Variants in KREMEN1 observed in about 807,000 individuals in gnomAD.
KREMEN1 encodes kremen protein 1.
Under a neutral mutation model 46.5 loss-of-function variants are expected in KREMEN1, and 30 were observed. The ratio of observed to expected loss-of-function variants is 0.65; its 90% CI spans 0.48 to 0.88. The LOEUF (loss-of-function observed/expected upper bound fraction) is 0.88. Among genes scored for constraint, KREMEN1 ranks in the 40% least tolerant of loss-of-function variants. The pLI is 0.00. For missense variants in KREMEN1, 533 were observed against 596.9 expected, an observed-to-expected ratio of 0.89 and a Z score of 1.11; for synonymous variants, 214 against 230.6, an observed-to-expected ratio of 0.93 and a Z score of 0.65.
chr22:29,097,882 A>T (rs1353063643), intron 2 of KREMEN1, among the ~76,000 whole-genome samples: 4 of 150,048 alleles, frequency 2.7e-5, no homozygotes, highest in Admixed American at 1.3e-4. Context: ...CTGCCTCTTT[A>T]AAAAAAAAAT....
intron 3 of KREMEN1, among the ~76,000 whole-genome samples, chr22:29,118,148 G>A (rs1388166046): frequency 2.0e-5 from 3 of 152,242 alleles, no homozygotes; most frequent in Non-Finnish European, 1.5e-5. Flanking sequence ...CTTGTGGGAT[G>A]TTGGCTGAAG....
At position 29,144,911 on chromosome 22, in the gene KREMEN1, G is replaced by T. The variant is rs1347895522; in HGVS notation, c.*2799G>T. ...CCTGGGAGGTGCTGGGGATGCCCCA[G>T]CGCTTCTCTTCCTGCCTCGCCCTGG... On this transcript the variant is annotated 3_prime_UTR_variant, in exon 9 of 9. Transcript: ENST00000400335. 1 of 985,424 alleles carries T rather than the reference G, an allele frequency of 1.0e-6. No individual in the cohort carries two copies. Among genetic ancestry groups the T allele is most frequent in the Admixed American group, 6.1e-5 (1 of 16,274 alleles). The allele number at this position is 985,424 out of a possible 1,614,324, so 61.0% of individuals were successfully genotyped here.
At chr22:29,101,252 CAAAAAAAAAAAAAAA>C (rs368843166) in intron 3 of KREMEN1, among the ~76,000 whole-genome samples, 3 of 74,806 alleles carry the variant, frequency 4.0e-5, no homozygotes, top group African/African-American at 5.4e-5. Flanking sequence ...AGTCTGTCTC[CAAAAAAAAAAAAAAA>C]AAAAAAAAGG....
intron 1 of KREMEN1, among the ~76,000 whole-genome samples, chr22:29,076,803 G>A (rs1361749981): frequency 1.3e-5 from 2 of 152,174 alleles, no homozygotes; most frequent in Non-Finnish European, 2.9e-5. Flanking sequence ...GGTGAGTTGA[G>A]ATCACACCAT....
rs134658 is a variant in KREMEN1, at chr22:29,094,572, T to TACACACACAC, written c.260+186_260+195dup. ...TTTTAAAAATATTTCTTTCACACCTTACACACACACACACACACACACACA... is the reference window on the plus strand; with the variant it reads ...TTTTAAAAATATTTCTTTCACACCTTACACACACACACACACACACACACACACACACACA... On this transcript the variant is annotated intron_variant, in intron 2 of 8. Coordinates refer to ENST00000400335, the MANE Select transcript of KREMEN1 (RefSeq NM_001039570.3). 107 of 255,782 alleles carry TACACACACAC rather than the reference T, an allele frequency of 4.2e-4. 1 individual carries two copies. Among genetic ancestry groups the TACACACACAC allele is most frequent in the East Asian group, 3.4e-3 (34 of 9,924 alleles). 15.8% of individuals were successfully genotyped at this position (255,782 alleles called of 1,614,324 possible). A position where few individuals can be genotyped will look rare whatever the true frequency, so the allele number is the denominator to read the frequency against.
At chr22:29,123,968 A>G (rs997395286) in intron 4 of KREMEN1, among the ~76,000 whole-genome samples, 5 of 152,196 alleles carry the variant, frequency 3.3e-5, no homozygotes, top group Admixed American at 2.0e-4. Flanking sequence ...ACTTTCATAT[A>G]TTGTTGGTGC....
rs71324554 is a variant in KREMEN1, at chr22:29,131,594, G to GTGTGTGTA, written c.632-5747_632-5746insGTGTGTAT. On this transcript the variant is annotated intron_variant, in intron 5 of 8. Coordinates refer to ENST00000400335, the MANE Select transcript of KREMEN1 (RefSeq NM_001039570.3). The stretch of plus-strand genomic sequence containing the variant: ...TGTGTGTGTGTGTGTGTGTGTGTGT[G>GTGTGTGTA]TATATGTATATATGTGTGTATATAT... Among the ~76,000 whole-genome samples, 339 of 121,734 alleles carry GTGTGTGTA rather than the reference G, an allele frequency of 2.8e-3. 13 individuals carry two copies. The highest frequency in any genetic ancestry group is 0.014 in the African/African-American group (327 of 23,656). The allele number at this position is 121,734 out of a possible 152,430, so 79.9% of individuals were successfully genotyped here. A position where few individuals can be genotyped will look rare whatever the true frequency, so the allele number is the denominator to read the frequency against.
chr22:29,137,599 T>C lies in KREMEN1; in HGVS notation c.889T>C (p.Ser297Pro). The C allele has an allele frequency of 6.2e-7, 1 of 1,612,988 alleles. No individual in the cohort carries two copies. The highest frequency in any genetic ancestry group is 1.3e-5 in the African/African-American group (1 of 75,042). Residue 297 changes from serine (S) to proline (P), a missense_variant, in exon 6 of 9, where the codon TCT becomes CCT. By Grantham distance (74) the Ser-to-Pro change is moderately conservative. Coordinates refer to ENST00000400335, the MANE Select transcript of KREMEN1 (RefSeq NM_001039570.3). ...RSRPPLSFNV[S>P]LDFVILYFFS... ...CCGCCCACCTCTGTCCTTCAACGTC[T>C]CTCTGGACTTCGTCATCTTGTATTT...
At chr22:29,154,852 G>A (rs2038947430) in intron 9 of KREMEN1, 1 of 151,934 alleles carries the variant, frequency 6.6e-6, no homozygotes, top group South Asian at 2.1e-4. Flanking sequence ...TAATGTCACA[G>A]GTGTCCTGAC....
At chr22:29,108,556 T>A (rs1406587722) in intron 3 of KREMEN1, among the ~76,000 whole-genome samples, 2 of 152,194 alleles carry the variant, frequency 1.3e-5, no homozygotes, top group African/African-American at 4.8e-5. Context: ...CAGGTAGACA[T>A]GAAAGTACCA....
At chr22:29,137,315 G>A in intron 5 of KREMEN1, 27 bp from the exon 6 acceptor site, 1 of 1,437,520 alleles carries the variant, frequency 7.0e-7, no homozygotes, top group Non-Finnish European at 9.2e-7. Context: ...CCAGACTGAG[G>A]GCGTGGTGTC....
At chr22:29,075,263 C>T (rs1427877408) in intron 1 of KREMEN1, among the ~76,000 whole-genome samples, 1 of 152,126 alleles carries the variant, frequency 6.6e-6, no homozygotes, top group Non-Finnish European at 1.5e-5. Context: ...ATGTCCCCTA[C>T]AAAGAGAGAG....
intron 5 of KREMEN1, among the ~76,000 whole-genome samples, chr22:29,131,642 GTGTATATATA>G (rs2038548649): frequency 8.4e-6 from 1 of 118,958 alleles, no homozygotes; most frequent in Admixed American, 8.5e-5. Flanking sequence ...ATATATATGT[GTGTATATATA>G]TGTATATATA....
intron 5 of KREMEN1, among the ~76,000 whole-genome samples, chr22:29,136,523 C>T (rs929911236): frequency 2.0e-5 from 3 of 149,680 alleles, no homozygotes. Flanking sequence ...TGCAGTGAGC[C>T]GAGATCACAC....
chr22:29,122,562 C>T lies in KREMEN1; in HGVS notation c.477+1081C>T, dbSNP rs373202019. On this transcript the variant is annotated intron_variant, in intron 4 of 8. Coordinates refer to ENST00000400335, the MANE Select transcript of KREMEN1 (RefSeq NM_001039570.3). Reference sequence around the variant, plus strand: ...AGCTCCAAACTGTAAATAATCTAAACGTCCATTAACTGATGAATGGAGAAA... The same window carrying T: ...AGCTCCAAACTGTAAATAATCTAAATGTCCATTAACTGATGAATGGAGAAA... Among the ~76,000 whole-genome samples the T allele has an allele frequency of 1.3e-4, 20 of 152,090 alleles. 1 individual carries two copies. Among genetic ancestry groups the T allele is most frequent in the Middle Eastern group, 6.3e-3 (2 of 316 alleles).
chr22:29,073,431 G>A lies in KREMEN1; in HGVS notation c.97+204G>A, dbSNP rs2037507960. 6.6e-6 allele frequency among the ~76,000 whole-genome samples: 1 copy of A among 152,006 alleles called. No individual in the cohort carries two copies. The highest frequency in any genetic ancestry group is 2.4e-5 in the African/African-American group (1 of 41,382). ...CCAGGCCCGTCATCGACGCCCCCGGGCCCGGTACTGTCCCCCGGCTGCAGG... is the reference window on the plus strand; with the variant it reads ...CCAGGCCCGTCATCGACGCCCCCGGACCCGGTACTGTCCCCCGGCTGCAGG... On this transcript the variant is annotated intron_variant, in intron 1 of 8. Coordinates refer to ENST00000400335, the MANE Select transcript of KREMEN1 (RefSeq NM_001039570.3). The surrounding 1 kb of genome is among the most constrained non-coding windows in gnomAD (Gnocchi z 4.4).
intron 9 of KREMEN1, among the ~76,000 whole-genome samples, chr22:29,161,874 G>A (rs2145876128): frequency 6.6e-6 from 1 of 152,206 alleles, no homozygotes; most frequent in South Asian, 2.1e-4. Context: ...CCAGCACTTT[G>A]GGAGGCTGAG....
chr22:29,154,018 G>C (rs1056191946), intron 9 of KREMEN1, among the ~76,000 whole-genome samples: 2 of 151,798 alleles, frequency 1.3e-5, no homozygotes, highest in Non-Finnish European at 2.9e-5. Flanking sequence ...TTTCTCATAG[G>C]GTTGTTGTGA....
intron 3 of KREMEN1, among the ~76,000 whole-genome samples, chr22:29,107,333 C>G (rs1206800251): frequency 1.3e-5 from 2 of 150,570 alleles, no homozygotes; most frequent in Non-Finnish European, 1.5e-5. Context: ...AAGAGATTCT[C>G]CTGCCTCAGC....
Sources: gnomAD v4.1 joint callset for allele counts (sites outside exome capture counted in the v4.1 genomes callset) on GRCh38, gnomAD v4.1.1 for gene constraint, Gnocchi (gnomAD v3.1) non-coding constraint, MANE v1.5 for transcripts, NCBI Gene and HGNC (gene_info 2026-07-23, HGNC 2026-07-21) for gene names.